The following CNTN4 variants were observed in gnomAD, a reference collection of about 807,000 sequenced individuals.
CNTN4 encodes the protein contactin 4.
Under a neutral mutation model 122.5 loss-of-function variants are expected in CNTN4, and 77 were observed. The observed-to-expected ratio is 0.63, with a 90% confidence interval of 0.52 to 0.76. CNTN4 has a LOEUF of 0.76. Among genes scored for constraint, CNTN4 ranks in the 30% least tolerant of loss-of-function variants. The pLI is 0.00. For missense variants in CNTN4, 1,256 were observed against 1,259.1 expected, an observed-to-expected ratio of 1.00 and a Z score of 0.04; for synonymous variants, 512 against 447.0, an observed-to-expected ratio of 1.15 and a Z score of -1.83.
At chr3:3,017,851 G>C (rs1697912707) in intron 14 of CNTN4, among the ~76,000 whole-genome samples, 2 of 152,162 alleles carry the variant, frequency 1.3e-5, no homozygotes, top group African/African-American at 2.4e-5. Context: ...TCAGCAAATA[G>C]AACAAATGGC....
In CNTN4 at chr3:2,745,664, A is replaced by G. The variant is rs1460721753; in HGVS notation, c.325A>G (p.Ile109Val). ...CACAGCGACAAACTCGTTTGGAACA[A>G]TTGTTAGCAGAGAAGCAAAGCTTCA... ...QCTATNSFGT[I>V]VSREAKLQFA... Residue 109 changes from isoleucine (I) to valine (V), a missense_variant, in exon 6 of 25, where the codon ATT (isoleucine) becomes GTT (valine). Ile to Val is a conservative substitution (Grantham distance 29). Coordinates refer to ENST00000418658, the MANE Select transcript of CNTN4 (RefSeq NM_175607.3). The G allele has an allele frequency of 7.4e-6, 12 of 1,614,020 alleles. No individual in the cohort carries two copies. The highest frequency in any genetic ancestry group is 9.3e-6 in the Non-Finnish European group (11 of 1,179,978).
intron 14 of CNTN4, among the ~76,000 whole-genome samples, chr3:3,018,539 G>C (rs1458990796): frequency 1.3e-5 from 2 of 152,206 alleles, no homozygotes; most frequent in Non-Finnish European, 2.9e-5. Context: ...AGACATGGCT[G>C]TGGGTGGGTA....
intron 6 of CNTN4, among the ~76,000 whole-genome samples, chr3:2,747,066 A>G (rs2089807368): frequency 6.6e-6 from 1 of 150,588 alleles, no homozygotes; most frequent in Non-Finnish European, 1.5e-5. Context: ...GTCATAGTGT[A>G]GGAAATGTTT....
Position 3,034,748 on chromosome 3 carries a change from G to A in CNTN4, c.1900G>A (p.Ala634Thr), listed in dbSNP as rs1314933747. 4.3e-6 allele frequency: 7 copies of A among 1,613,950 alleles called. No individual in the cohort carries two copies. In the Admixed American group the frequency reaches 1.2e-4, roughly 27 times the overall value. The part of the protein sequence containing the change: ...HSPITMYVIQ[A>T]RTPFSVGWQA... ...CCCCATCACCATGTATGTCATTCAA[G>A]CCAGGACTCCATTCTCCGTGGGCTG... Residue 634 changes from alanine (A) to threonine (T), a missense_variant, in exon 17 of 25, where the codon GCC becomes ACC. Ala to Thr is a moderately conservative substitution (Grantham distance 58). Coordinates refer to ENST00000418658, the MANE Select transcript of CNTN4 (RefSeq NM_175607.3).
chr3:2,347,442 C>T (rs973171923), intron 3 of CNTN4, among the ~76,000 whole-genome samples: 18 of 108,106 alleles, frequency 1.7e-4, no homozygotes, highest in African/African-American at 4.9e-4. Flanking sequence ...GACATAATCT[C>T]GCTGTCGCCC....
At chr3:2,783,534 AG>A (rs1179485462) in intron 6 of CNTN4, among the ~76,000 whole-genome samples, 2 of 152,236 alleles carry the variant, frequency 1.3e-5, no homozygotes, top group African/African-American at 2.4e-5. Flanking sequence ...GGAAGTAGTT[AG>A]AAACTAATTG....
intron 2 of CNTN4, among the ~76,000 whole-genome samples, chr3:2,291,878 C>T (rs1196126446): frequency 6.6e-6 from 1 of 152,002 alleles, no homozygotes; most frequent in Admixed American, 6.6e-5. Flanking sequence ...GGATTACAGG[C>T]ATTCGCTACC....
At chr3:2,122,109 T>C (rs377539417) in intron 2 of CNTN4, among the ~76,000 whole-genome samples, 35 of 150,786 alleles carry the variant, frequency 2.3e-4, no homozygotes, top group African/African-American at 6.6e-4. Flanking sequence ...GAGCTGAGAT[T>C]GCGCCACTGC....
chr3:2,100,360 G>A (rs1165744182), intron 1 of CNTN4, among the ~76,000 whole-genome samples, 198 bp from the exon 2 acceptor site: 2 of 152,180 alleles, frequency 1.3e-5, no homozygotes, highest in Non-Finnish European at 2.9e-5. Flanking sequence ...ACATAACTGA[G>A]TCGTTTGGAT....
At chr3:2,877,109 C>G (rs1423172653) in intron 8 of CNTN4, among the ~76,000 whole-genome samples, 2 of 152,166 alleles carry the variant, frequency 1.3e-5, no homozygotes, top group African/African-American at 4.8e-5. Context: ...CTCATGAAAT[C>G]ACCTCTTTTG....
At chr3:2,274,588 C>T (rs965198925) in intron 2 of CNTN4, among the ~76,000 whole-genome samples, 3 of 152,120 alleles carry the variant, frequency 2.0e-5, no homozygotes, top group African/African-American at 4.8e-5. Context: ...CAATGAATCA[C>T]CATATTTCTC....
rs73807913 is a variant in CNTN4 at position 2,749,056 on chromosome 3, C to G, written c.358+3359C>G. 2.1e-3 allele frequency among the ~76,000 whole-genome samples: 327 copies of G among 152,314 alleles called. 2 individuals are homozygous for G. The highest frequency in any genetic ancestry group is 7.7e-3 in the African/African-American group (319 of 41,568). ...CCTGAGAGAAAGTTTCCGTGTCACC[C>G]TGTCTAACATAACAAGCAATTTCCA... On this transcript the variant is annotated intron_variant, in intron 6 of 24. Transcript: ENST00000418658.
At chr3:2,484,918 A>C (rs1227054128) in intron 3 of CNTN4, among the ~76,000 whole-genome samples, 2 of 152,162 alleles carry the variant, frequency 1.3e-5, no homozygotes, top group Non-Finnish European at 2.9e-5. Flanking sequence ...TGCGAGAGGC[A>C]CGGGCGGGAG....
At chr3:2,549,861 C>T (rs1038428169) in intron 3 of CNTN4, among the ~76,000 whole-genome samples, 1 of 152,118 alleles carries the variant, frequency 6.6e-6, no homozygotes, top group Admixed American at 6.6e-5. Context: ...CTATTAATTA[C>T]TGCTTCAATT....
intron 2 of CNTN4, among the ~76,000 whole-genome samples, chr3:2,260,403 A>C (rs1462666590): frequency 6.6e-6 from 1 of 152,122 alleles, no homozygotes; most frequent in Admixed American, 6.6e-5. Flanking sequence ...CTCCGGATTA[A>C]ATTAAGATAA....
intron 10 of CNTN4, among the ~76,000 whole-genome samples, chr3:2,900,381 A>G (rs1018384060): frequency 3.9e-5 from 6 of 152,182 alleles, no homozygotes; most frequent in Admixed American, 3.3e-4. Flanking sequence ...GATATTCTCT[A>G]CTGAAAGGAA....
intron 2 of CNTN4, among the ~76,000 whole-genome samples, chr3:2,334,148 T>G (rs770062527): frequency 6.6e-6 from 1 of 152,146 alleles, no homozygotes. Context: ...CTGGTTTGGC[T>G]TGTCTCATTT....
At chr3:2,244,296 T>C (rs1344507177) in intron 2 of CNTN4, among the ~76,000 whole-genome samples, 1 of 152,034 alleles carries the variant, frequency 6.6e-6, no homozygotes, top group Non-Finnish European at 1.5e-5. Context: ...TACTCACCTA[T>C]TTTTGGACTG....
At chr3:2,305,025 C>T (rs1045744956) in intron 2 of CNTN4, among the ~76,000 whole-genome samples, 1 of 151,866 alleles carries the variant, frequency 6.6e-6, no homozygotes, top group Non-Finnish European at 1.5e-5. Flanking sequence ...TGATTTTTCA[C>T]TTCCTATGGC....
Sources: allele counts gnomAD v4.1 joint callset (sites outside exome capture counted in the v4.1 genomes callset), GRCh38; gene constraint gnomAD v4.1.1; transcripts MANE v1.5; gene names NCBI Gene and HGNC (gene_info 2026-07-23, HGNC 2026-07-21).